EPHA6: variants seen among roughly 807,000 people sequenced by gnomAD.
EPHA6 encodes the protein EPH receptor A6.
Under a neutral mutation model 112.0 loss-of-function variants are expected in EPHA6, and 50 were observed. The ratio of observed to expected loss-of-function variants is 0.45; its 90% CI spans 0.36 to 0.56. EPHA6 has a LOEUF of 0.56. Among genes scored for constraint, EPHA6 ranks in the 20% least tolerant of loss-of-function variants. The pLI, the probability that EPHA6 is intolerant of heterozygous loss-of-function variation, is 0.00. For synonymous variants in EPHA6, 529 were observed against 490.7 expected (o/e 1.08, Z -1.03); for missense variants, 1,280 against 1,417.4 (o/e 0.90, Z 1.56).
chr3:97,241,191 G>A (rs1198602047), intron 4 of EPHA6, among the ~76,000 whole-genome samples: 1 of 150,908 alleles, frequency 6.6e-6, no homozygotes, highest in Non-Finnish European at 1.5e-5. Context: ...AAAAAAAAAA[G>A]CTAGTGGAAA....
intron 2 of EPHA6, among the ~76,000 whole-genome samples, chr3:96,985,883 T>C (rs183607063): frequency 6.6e-6 from 1 of 152,328 alleles, no homozygotes; most frequent in East Asian, 1.9e-4. Context: ...CTTGATTTAG[T>C]AACTCTCTAT....
intron 10 of EPHA6, among the ~76,000 whole-genome samples, chr3:97,521,380 A>G (rs774900366): frequency 2.6e-5 from 4 of 152,120 alleles, no homozygotes; most frequent in Non-Finnish European, 5.9e-5. Flanking sequence ...GGTAATTCAT[A>G]AAGGAAAGTG....
At chr3:97,072,388 T>C (rs1159734657) in intron 3 of EPHA6, among the ~76,000 whole-genome samples, 1 of 152,002 alleles carries the variant, frequency 6.6e-6, no homozygotes, top group Non-Finnish European at 1.5e-5. Flanking sequence ...CACAGATCCA[T>C]ATTACAGGGA....
At chr3:97,233,730 T>C (rs1162198203) in intron 4 of EPHA6, among the ~76,000 whole-genome samples, 3 of 152,144 alleles carry the variant, frequency 2.0e-5, no homozygotes, top group Admixed American at 6.5e-5. Context: ...CTTCTAGGGA[T>C]TTAAAAGGAA....
intron 15 of EPHA6, among the ~76,000 whole-genome samples, chr3:97,732,567 A>G (rs1039012229): frequency 3.3e-5 from 5 of 152,092 alleles, no homozygotes; most frequent in African/African-American, 9.7e-5. Flanking sequence ...TTAGAAACAT[A>G]TATCTTTTAA....
At chr3:97,601,079 T>C (rs1412384291) in intron 12 of EPHA6, among the ~76,000 whole-genome samples, 1 of 152,140 alleles carries the variant, frequency 6.6e-6, no homozygotes. Flanking sequence ...AAATATGATA[T>C]ATATATGGCT....
intron 2 of EPHA6, among the ~76,000 whole-genome samples, chr3:96,918,787 G>A (rs570016134): frequency 6.6e-6 from 1 of 152,004 alleles, no homozygotes; most frequent in East Asian, 1.9e-4. Context: ...TTGATACACA[G>A]CATTTTGTAC....
intron 1 of EPHA6, among the ~76,000 whole-genome samples, chr3:96,823,901 A>C (rs2033464135): frequency 6.6e-6 from 1 of 151,822 alleles, no homozygotes; most frequent in African/African-American, 2.4e-5. Context: ...CTGTTGGTGT[A>C]GCACATTGCT....
chr3:96,862,079 A>G (rs907122541), intron 1 of EPHA6, among the ~76,000 whole-genome samples: 2 of 151,956 alleles, frequency 1.3e-5, no homozygotes, highest in African/African-American at 2.4e-5. Flanking sequence ...GATAATCTAA[A>G]TGTCAGTTTA....
intron 4 of EPHA6, among the ~76,000 whole-genome samples, chr3:97,243,067 G>A (rs1221521341): frequency 6.6e-6 from 1 of 151,774 alleles, no homozygotes; most frequent in East Asian, 1.9e-4. Context: ...ACAATTTTAA[G>A]GAAAGGCTGG....
intron 3 of EPHA6, among the ~76,000 whole-genome samples, chr3:97,097,925 G>A (rs576928663): frequency 2.6e-5 from 4 of 151,996 alleles, no homozygotes; most frequent in African/African-American, 9.6e-5. Flanking sequence ...GATTAACAAT[G>A]CCACAGTTCT....
At chr3:96,868,176 G>A (rs553074681) in intron 2 of EPHA6, among the ~76,000 whole-genome samples, 20 of 139,442 alleles carry the variant, frequency 1.4e-4, no homozygotes, top group Admixed American at 5.8e-4. Flanking sequence ...GTGTGTGTGT[G>A]AGAGAGAGAG....
At chr3:97,426,537 C>T (rs1224148469) in intron 6 of EPHA6, among the ~76,000 whole-genome samples, 1 of 152,082 alleles carries the variant, frequency 6.6e-6, no homozygotes, top group South Asian at 2.1e-4. Context: ...ATACCATATA[C>T]AAAAATAAAC....
chr3:96,841,992 A>G (rs1286775044), intron 1 of EPHA6, among the ~76,000 whole-genome samples: 1 of 152,014 alleles, frequency 6.6e-6, no homozygotes, highest in Non-Finnish European at 1.5e-5. Flanking sequence ...GGGATGGAAC[A>G]TTGTATTGAG....
At chr3:97,576,141 G>A (rs2093382234) in intron 11 of EPHA6, among the ~76,000 whole-genome samples, 1 of 152,028 alleles carries the variant, frequency 6.6e-6, no homozygotes, top group African/African-American at 2.4e-5. Flanking sequence ...GAATAGGAAA[G>A]TTATCTCAAA....
In EPHA6 at chr3:96,994,693, A is replaced by ATG. The variant is rs1255806171; in HGVS notation, c.1114+6716_1114+6717dup. Among the ~76,000 whole-genome samples, 955 of 109,488 alleles carry ATG rather than the reference A, an allele frequency of 8.7e-3. 29 individuals carry two copies. The highest frequency in any genetic ancestry group is 0.03 in the African/African-American group (731 of 24,570). 71.8% of individuals were successfully genotyped at this position (109,488 alleles called of 152,430 possible). The stretch of plus-strand genomic sequence containing the variant: ...AGACCTGCTGAGAATGTGTGTGTGT[A>ATG]TGTGTGTGTGTGTGTGTATATATAT... On this transcript the variant is annotated intron_variant, in intron 3 of 17. Transcript: ENST00000389672.
At chr3:97,489,082 G>A (rs953076215) in intron 10 of EPHA6, among the ~76,000 whole-genome samples, 2 of 152,210 alleles carry the variant, frequency 1.3e-5, no homozygotes, top group Non-Finnish European at 2.9e-5. Flanking sequence ...CATGTATAAA[G>A]TAGATTTATA....
chr3:97,403,631 A>G (rs2087136412), intron 5 of EPHA6, among the ~76,000 whole-genome samples: 1 of 152,166 alleles, frequency 6.6e-6, no homozygotes, highest in South Asian at 2.1e-4. Flanking sequence ...TATTTTTAGT[A>G]GAGACGGGGT....
chr3:97,630,458 C>T (rs1366122025), intron 13 of EPHA6, among the ~76,000 whole-genome samples: 1 of 151,890 alleles, frequency 6.6e-6, no homozygotes, highest in African/African-American at 2.4e-5. Context: ...AATTCAACAT[C>T]ATTTTAAAAA....
Sources: allele counts gnomAD v4.1 joint callset (sites outside exome capture counted in the v4.1 genomes callset), GRCh38; gene constraint gnomAD v4.1.1; transcripts MANE v1.5; gene names NCBI Gene and HGNC (gene_info 2026-07-23, HGNC 2026-07-21).